The following METTL24 variants were observed in gnomAD, a reference collection of about 807,000 sequenced individuals.
The protein encoded by METTL24 is methyltransferase like 24.
METTL24 carries 29 observed loss-of-function variants against 32.7 expected under a neutral mutation model. That is an observed-to-expected ratio of 0.89 (90% CI 0.66 to 1.21). The LOEUF (loss-of-function observed/expected upper bound fraction) is 1.21, where lower values mean the gene tolerates loss of function less well. Ranked by LOEUF, METTL24 falls within the 50% of genes most tolerant of loss-of-function variation. The probability of loss-of-function intolerance (pLI) is 0.00; values close to 1 mark genes in which losing one functional copy is unlikely to be tolerated. For synonymous variants in METTL24, 163 were observed against 179.5 expected, an observed-to-expected ratio of 0.91 and a Z score of 0.73; for missense variants, 439 against 468.1, an observed-to-expected ratio of 0.94 and a Z score of 0.57.
chr6:110,348,992 G>A (rs1772538223), intron 1 of METTL24, among the ~76,000 whole-genome samples: 1 of 152,180 alleles, frequency 6.6e-6, no homozygotes, highest in African/African-American at 2.4e-5. Context: ...AAATTCAGGT[G>A]TCTGCTTCAT....
At chr6:110,344,203 T>G (rs1772422288) in intron 1 of METTL24, among the ~76,000 whole-genome samples, 1 of 152,192 alleles carries the variant, frequency 6.6e-6, no homozygotes, top group Admixed American at 6.5e-5. Flanking sequence ...TTCGAGACTT[T>G]GCGGTGCCAT....
At chr6:110,341,070 A>G (rs777593587) in intron 1 of METTL24, among the ~76,000 whole-genome samples, 8 of 152,002 alleles carry the variant, frequency 5.3e-5, no homozygotes, top group Non-Finnish European at 1.0e-4. Context: ...CTATTAAGTT[A>G]ATGGCTTGAA....
chr6:110,264,325 A>G (rs566382823), intron 4 of METTL24, among the ~76,000 whole-genome samples: 2 of 152,352 alleles, frequency 1.3e-5, no homozygotes, highest in South Asian at 4.1e-4. Context: ...ATGAACAGAC[A>G]CTTCTCAAAA....
chr6:110,323,491 C>T (rs907048555), intron 1 of METTL24, among the ~76,000 whole-genome samples: 5 of 152,072 alleles, frequency 3.3e-5, no homozygotes, highest in South Asian at 2.1e-4. Context: ...GCAGAGGTTA[C>T]GAGGTGCTCC....
rs115996851 is a variant in METTL24, at chr6:110,250,722, C to T, written c.787-4462G>A. 7.6e-3 allele frequency among the ~76,000 whole-genome samples: 1,163 copies of T among 152,290 alleles called. 8 individuals are homozygous for T. The highest frequency in any genetic ancestry group is 0.027 in the African/African-American group (1,110 of 41,540). ...CTAATGGATAAGTCCTTACATCAGCCAACACTGACTGCTCTGACCTCGCCA... is the reference window on the plus strand; with the variant it reads ...CTAATGGATAAGTCCTTACATCAGCTAACACTGACTGCTCTGACCTCGCCA... On this transcript the variant is annotated intron_variant, in intron 4 of 4. Coordinates refer to ENST00000338882, the MANE Select transcript of METTL24 (RefSeq NM_001123364.3).
intron 1 of METTL24, among the ~76,000 whole-genome samples, chr6:110,352,708 G>A (rs1200434502): frequency 2.0e-5 from 3 of 151,862 alleles, no homozygotes; most frequent in Non-Finnish European, 2.9e-5. Context: ...TTCCTGCCTC[G>A]GTGTGTGTCC....
rs1778103570 is a variant in METTL24, at chr6:110,244,186, T to G, written c.*1760A>C. Among the ~76,000 whole-genome samples the G allele has an allele frequency of 6.6e-6, 1 of 152,132 alleles. No individual in the cohort carries two copies. The highest frequency in any genetic ancestry group is 2.4e-5 in the African/African-American group (1 of 41,424). ...GAGTAAAGAAAAATGCACTTAACAT[T>G]ATTAGAGATAATGTATTTTTTTAAA... On this transcript the variant is annotated 3_prime_UTR_variant, in exon 5 of 5. Coordinates refer to ENST00000338882, the MANE Select transcript of METTL24 (RefSeq NM_001123364.3).
At chr6:110,353,866 T>C (rs1471092403) in intron 1 of METTL24, among the ~76,000 whole-genome samples, 1 of 151,990 alleles carries the variant, frequency 6.6e-6, no homozygotes, top group Non-Finnish European at 1.5e-5. Flanking sequence ...GAAGACCATA[T>C]CTAGTCCTCT....
In METTL24 at chr6:110,286,974, T is replaced by C. The variant is rs74689600; in HGVS notation, c.786+11948A>G. Among the ~76,000 whole-genome samples, 1,041 of 152,338 alleles carry C rather than the reference T, an allele frequency of 6.8e-3. 9 individuals are homozygous for C. Among genetic ancestry groups the C allele is most frequent in the African/African-American group, 0.024 (989 of 41,578 alleles). ...GATGGCCTATAGTGGGACCTTGTGA[T>C]CTTGTGAGTTAATACTTAATAAGCT... On this transcript the variant is annotated intron_variant, in intron 4 of 4. Transcript: ENST00000338882.
intron 4 of METTL24, among the ~76,000 whole-genome samples, chr6:110,246,537 C>T (rs929592926): frequency 2.0e-5 from 3 of 152,214 alleles, no homozygotes; most frequent in Non-Finnish European, 4.4e-5. Context: ...CCTGCCTCCG[C>T]CTCCTGAGTA....
chr6:110,311,872 C>A (rs1454810486), intron 3 of METTL24, among the ~76,000 whole-genome samples: 1 of 152,068 alleles, frequency 6.6e-6, no homozygotes, highest in African/African-American at 2.4e-5. Context: ...TGTCCTTTGC[C>A]CACTTTTTCA....
chr6:110,291,908 C>G (rs1452148850), intron 4 of METTL24, among the ~76,000 whole-genome samples: 1 of 152,212 alleles, frequency 6.6e-6, no homozygotes, highest in Admixed American at 6.5e-5. Context: ...ACCAGACTAT[C>G]TTGATTGCTA....
chr6:110,276,576 C>T (rs777869202), intron 4 of METTL24, among the ~76,000 whole-genome samples: 8 of 152,284 alleles, frequency 5.3e-5, no homozygotes, highest in Admixed American at 4.6e-4. Context: ...TGGTAGAATA[C>T]GCTAAAGAGA....
rs1296090139 is a variant in METTL24 at position 110,324,307 on chromosome 6, G to A, written c.319-1435C>T. On this transcript the variant is annotated intron_variant, in intron 1 of 4. Transcript: ENST00000338882. The stretch of plus-strand genomic sequence containing the variant: ...AGCCTGTACTACCCTTGTGGGGGCT[G>A]AGCCTCACGCAGTCCCTCTAGATTG... Among the ~76,000 whole-genome samples the A allele has an allele frequency of 2.0e-5, 3 of 152,168 alleles. No homozygotes were observed. The East Asian group carries it at 5.8e-4, about 29-fold the overall frequency.
intron 1 of METTL24, among the ~76,000 whole-genome samples, chr6:110,352,341 G>C (rs888506851): frequency 2.6e-5 from 4 of 152,194 alleles, no homozygotes; most frequent in Non-Finnish European, 5.9e-5. Flanking sequence ...TAAATGGAGA[G>C]AATGGTGAGC....
intron 2 of METTL24, among the ~76,000 whole-genome samples, chr6:110,316,384 AG>A (rs1422624806): frequency 3.9e-5 from 6 of 152,350 alleles, no homozygotes; most frequent in South Asian, 2.1e-4. Context: ...AAAGAAAATA[AG>A]GAAAATAAGT....
chr6:110,244,363 A>T lies in METTL24; in HGVS notation c.*1583T>A, dbSNP rs756728695. On this transcript the variant is annotated 3_prime_UTR_variant, in exon 5 of 5. Transcript: ENST00000338882. ...TGAGTATAAAAAGCATCTTGAGTTGAAGCTCTTTTTTTTTTCTGTGAACAA... is the reference window on the plus strand; with the variant it reads ...TGAGTATAAAAAGCATCTTGAGTTGTAGCTCTTTTTTTTTTCTGTGAACAA... 2.0e-5 allele frequency among the ~76,000 whole-genome samples: 3 copies of T among 152,120 alleles called. No homozygotes were observed. The highest frequency in any genetic ancestry group is 2.9e-5 in the Non-Finnish European group (2 of 68,010).
chr6:110,353,410 TC>T (rs869227578), intron 1 of METTL24, among the ~76,000 whole-genome samples: 1 of 138,152 alleles, frequency 7.2e-6, no homozygotes, highest in South Asian at 2.4e-4. Flanking sequence ...GTTGGACATA[TC>T]AGGGGGCATC....
At chr6:110,354,769 TA>T (rs981865562) in intron 1 of METTL24, among the ~76,000 whole-genome samples, 1 of 152,182 alleles carries the variant, frequency 6.6e-6, no homozygotes, top group Non-Finnish European at 1.5e-5. Context: ...AGGAATATTT[TA>T]ATTCAACTGT....
Sources: gnomAD v4.1 joint callset for allele counts (sites outside exome capture counted in the v4.1 genomes callset) on GRCh38, gnomAD v4.1.1 for gene constraint, MANE v1.5 for transcripts, NCBI Gene and HGNC (gene_info 2026-07-23, HGNC 2026-07-21) for gene names.